PINX1: variants seen among roughly 807,000 people sequenced by gnomAD.
PINX1 encodes PIN2 (TERF1) interacting telomerase inhibitor 1.
Under a neutral mutation model 25.4 loss-of-function variants are expected in PINX1, and 34 were observed. The ratio of observed to expected loss-of-function variants is 1.34; its 90% CI spans 1.02 to 1.78. The LOEUF is 1.78. Among genes scored for constraint, PINX1 ranks in the 40% most tolerant of loss-of-function variants. The pLI, the probability that PINX1 is intolerant of heterozygous loss-of-function variation, is 0.00. For synonymous variants in PINX1, 197 were observed against 147.7 expected (o/e 1.33, Z -2.42); for missense variants, 592 against 404.9 (o/e 1.46, Z -3.97).
At chr8:10,812,865 G>C (rs1797578318) in intron 6 of PINX1, among the ~76,000 whole-genome samples, 1 of 152,228 alleles carries the variant, frequency 6.6e-6, no homozygotes, top group Admixed American at 6.5e-5. Context: ...GGTGCGACCA[G>C]ACACAATTTG....
chr8:10,804,836 C>T (rs1195910102), intron 6 of PINX1, among the ~76,000 whole-genome samples: 4 of 151,986 alleles, frequency 2.6e-5, no homozygotes, highest in Non-Finnish European at 5.9e-5. Flanking sequence ...GTGCTTAGTG[C>T]TTGTACTTTG....
intron 6 of PINX1, among the ~76,000 whole-genome samples, chr8:10,812,824 C>T (rs1023711087): frequency 2.0e-5 from 3 of 152,134 alleles, no homozygotes; most frequent in Non-Finnish European, 4.4e-5. Flanking sequence ...CGCCCAGCCT[C>T]CCTGACACCG....
chr8:10,799,827 G>C (rs1001372675), intron 6 of PINX1, among the ~76,000 whole-genome samples: 2 of 152,148 alleles, frequency 1.3e-5, no homozygotes, highest in Admixed American at 1.3e-4. Context: ...AATTTTACTG[G>C]GCAAAGTAGG....
chr8:10,784,526 G>A (rs1801688781), intron 6 of PINX1, among the ~76,000 whole-genome samples: 1 of 152,218 alleles, frequency 6.6e-6, no homozygotes, highest in African/African-American at 2.4e-5. Flanking sequence ...GTGCTGACAT[G>A]AAATGTTCAG....
At chr8:10,768,575 G>A (rs1371037587) in intron 6 of PINX1, among the ~76,000 whole-genome samples, 1 of 152,200 alleles carries the variant, frequency 6.6e-6, no homozygotes, top group African/African-American at 2.4e-5. Flanking sequence ...CAGCACCCAA[G>A]TCCTACTTCT....
At chr8:10,817,164 AC>A (rs1797723331) in intron 6 of PINX1, among the ~76,000 whole-genome samples, 3 of 152,270 alleles carry the variant, frequency 2.0e-5, no homozygotes, top group Middle Eastern at 3.4e-3. Flanking sequence ...TAACTAGAGC[AC>A]CCACAGAGCT....
At chr8:10,829,218 G>A (rs926805866) in intron 4 of PINX1, among the ~76,000 whole-genome samples, 1 of 150,732 alleles carries the variant, frequency 6.6e-6, no homozygotes, top group Non-Finnish European at 1.5e-5. Flanking sequence ...CCCGGGAGGC[G>A]GAGGTTGCGG....
chr8:10,827,266 G>A (rs1321844813), intron 4 of PINX1, among the ~76,000 whole-genome samples: 3 of 152,146 alleles, frequency 2.0e-5, no homozygotes, highest in East Asian at 1.9e-4. Context: ...ATTAGGTGAC[G>A]CATGGAGGAG....
intron 4 of PINX1, among the ~76,000 whole-genome samples, chr8:10,830,482 C>A (rs1798195378): frequency 6.6e-6 from 1 of 152,212 alleles, no homozygotes; most frequent in Non-Finnish European, 1.5e-5. Flanking sequence ...CAGCACACAG[C>A]TCAATAAATG....
intron 6 of PINX1, among the ~76,000 whole-genome samples, chr8:10,796,973 G>A (rs1802103632): frequency 6.6e-6 from 1 of 151,902 alleles, no homozygotes. Flanking sequence ...CACATTTTGG[G>A]AAACTCTGCC....
chr8:10,786,414 G>A (rs1437965377), intron 6 of PINX1, among the ~76,000 whole-genome samples: 4 of 152,166 alleles, frequency 2.6e-5, no homozygotes, highest in Non-Finnish European at 4.4e-5. Context: ...GGAGTTGCAC[G>A]GTTCAAACGT....
intron 4 of PINX1, 108 bp downstream of exon 4, chr8:10,831,557 A>AC: frequency 1.4e-6 from 1 of 722,780 alleles, no homozygotes; most frequent in South Asian, 1.5e-5. Flanking sequence ...ATCACACTAT[A>AC]CTCAATAAAT....
At chr8:10,775,410 G>GTTT (rs143926728) in intron 6 of PINX1, among the ~76,000 whole-genome samples, 38 of 109,592 alleles carry the variant, frequency 3.5e-4, no homozygotes, top group African/African-American at 9.6e-4. Context: ...CTGTTTTGTG[G>GTTT]TTTTTTTTTT....
chr8:10,785,435 A>C (rs1341290282), intron 6 of PINX1, among the ~76,000 whole-genome samples: 1 of 152,214 alleles, frequency 6.6e-6, no homozygotes. Context: ...CTTAATTATA[A>C]ACAGTTTGAA....
chr8:10,789,056 C>G (rs1014398273), intron 6 of PINX1, among the ~76,000 whole-genome samples: 1 of 152,198 alleles, frequency 6.6e-6, no homozygotes, highest in Non-Finnish European at 1.5e-5. Flanking sequence ...AGCCCAGTAC[C>G]GGCTTCCTGC....
intron 6 of PINX1, among the ~76,000 whole-genome samples, chr8:10,802,788 A>C (rs1335237660): frequency 6.6e-6 from 1 of 152,210 alleles, no homozygotes; most frequent in East Asian, 1.9e-4. Context: ...GGACTGGGGA[A>C]TTATATTCCA....
At chr8:10,790,247 G>A (rs1801881128) in intron 6 of PINX1, among the ~76,000 whole-genome samples, 1 of 152,158 alleles carries the variant, frequency 6.6e-6, no homozygotes, top group African/African-American at 2.4e-5. Context: ...CACAGCAAAT[G>A]ACAGAAAAAG....
intron 1 of PINX1, among the ~76,000 whole-genome samples, chr8:10,835,039 T>G (rs1798357349): frequency 6.6e-6 from 1 of 152,206 alleles, no homozygotes; most frequent in South Asian, 2.1e-4. Flanking sequence ...GCAAAGCAAA[T>G]GCTCAATATA....
At chr8:10,766,239 C>A (rs540260704) in intron 6 of PINX1, among the ~76,000 whole-genome samples, 2 of 152,220 alleles carry the variant, frequency 1.3e-5, no homozygotes, top group African/African-American at 4.8e-5. Flanking sequence ...GAGTAAATGT[C>A]TCCCTAGAAA....
Sources: gnomAD v4.1 joint callset for allele counts (sites outside exome capture counted in the v4.1 genomes callset) on GRCh38, gnomAD v4.1.1 for gene constraint, MANE v1.5 for transcripts, NCBI Gene and HGNC (gene_info 2026-07-23, HGNC 2026-07-21) for gene names.